Variants in XDH observed in about 807,000 individuals in gnomAD.
XDH encodes xanthine dehydrogenase, also known as xanthine dehydrogenase/oxidase.
A neutral mutation model predicts 156.1 loss-of-function variants in XDH; 138 were observed. The ratio of observed to expected loss-of-function variants is 0.88; its 90% CI spans 0.77 to 1.02. The LOEUF (loss-of-function observed/expected upper bound fraction) is 1.02, where lower values mean the gene tolerates loss of function less well. Among genes scored for constraint, XDH ranks in the 50% least tolerant of loss-of-function variants. The pLI is 0.00. For missense variants in XDH, 1,849 were observed against 1,684.9 expected (o/e 1.10, Z -1.71); for synonymous variants, 669 against 625.7 (o/e 1.07, Z -1.03).
Position 31,367,998 on chromosome 2 carries a change from T to C in XDH, c.2160A>G (p.Leu720=). The change falls in exon 20 of 36, where the codon CTA becomes CTG. Residue 720 remains leucine, a synonymous_variant. Coordinates refer to ENST00000379416, the MANE Select transcript of XDH (RefSeq NM_000379.4). Reference sequence around the variant, plus strand: ...TATCTGCTTCGGAAAACCCCTTCTTTAGGTCCCCTTTCTCGATCTTCAGCT... The same window carrying C: ...TATCTGCTTCGGAAAACCCCTTCTTCAGGTCCCCTTTCTCGATCTTCAGCT... ...GPELKIEKGD[L]KKGFSEADNV... is the part of the protein sequence containing the mutation. 6.2e-7 allele frequency: 1 copy of C among 1,614,162 alleles called. No homozygotes were observed. The highest frequency in any genetic ancestry group is 8.5e-7 in the Non-Finnish European group (1 of 1,179,994).
intron 1 of XDH, among the ~76,000 whole-genome samples, chr2:31,413,693 CT>C (rs1687400275): frequency 6.6e-6 from 1 of 152,172 alleles, no homozygotes; most frequent in African/African-American, 2.4e-5. Flanking sequence ...AATTGCCCTT[CT>C]TTGGGGGACA....
chr2:31,378,204 C>A (rs891579605), intron 13 of XDH, among the ~76,000 whole-genome samples: 1 of 150,884 alleles, frequency 6.6e-6, no homozygotes, highest in African/African-American at 2.4e-5. Context: ...AGCAAGAAAG[C>A]AAGCAAGAAA....
chr2:31,374,779 T>A lies in XDH; in HGVS notation c.1602+601A>T, dbSNP rs377560409. 2.1e-4 allele frequency among the ~76,000 whole-genome samples: 32 copies of A among 152,268 alleles called. No individual in the cohort carries two copies. In the East Asian group the frequency reaches 5.8e-3, roughly 28 times the overall value. Reference sequence around the variant, plus strand: ...TTATTGTCCATGTTCTCCCCGACACTGAGCTGCCCCCTAGCACCTCATGCA... The same window carrying A: ...TTATTGTCCATGTTCTCCCCGACACAGAGCTGCCCCCTAGCACCTCATGCA... On this transcript the variant is annotated intron_variant, in intron 15 of 35. Transcript: ENST00000379416.
At chr2:31,386,315 A>G in intron 9 of XDH, 99 bp downstream of exon 9, 2 of 1,524,978 alleles carry the variant, frequency 1.3e-6, no homozygotes, top group Non-Finnish European at 1.8e-6. Context: ...GATAGGGTGC[A>G]GAGGCAAGTA....
rs760830081 is a variant in XDH, at chr2:31,335,923, G to T, written c.*35C>A. On this transcript the variant is annotated 3_prime_UTR_variant, in exon 36 of 36. Transcript: ENST00000379416. The stretch of plus-strand genomic sequence containing the variant: ...TCCTCCTGCTCCATGGAAGCCCAAA[G>T]GCAGCACAAGAAGACTCTGCTGAGG... The T allele has an allele frequency of 4.3e-6, 7 of 1,612,788 alleles. No homozygotes were observed. The East Asian group carries it at 1.6e-4, about 36-fold the overall frequency.
intron 3 of XDH, 131 bp downstream of exon 3, chr2:31,402,917 C>A: frequency 1.0e-6 from 1 of 969,858 alleles, no homozygotes; most frequent in East Asian, 2.5e-5. Flanking sequence ...TTCCTGTGCA[C>A]AGATTCTCCA....
At chr2:31,343,904 G>A (rs1316602538) in intron 31 of XDH, among the ~76,000 whole-genome samples, 1 of 151,234 alleles carries the variant, frequency 6.6e-6, no homozygotes, top group Non-Finnish European at 1.5e-5. Flanking sequence ...ATATATTTAT[G>A]CATCTATATA....
Position 31,344,699 on chromosome 2 carries a change from G to A in XDH, c.3389C>T (p.Ala1130Val). The A allele has an allele frequency of 1.9e-6, 3 of 1,614,162 alleles. No individual in the cohort carries two copies. Among genetic ancestry groups the A allele is most frequent in the Non-Finnish European group, 1.7e-6 (2 of 1,180,040 alleles). ...CCATACTTACCTATAAAACCCAGTGGCAGACAAGCTCACTGTGTCCATGTA... is the reference window on the plus strand; with the variant it reads ...CCATACTTACCTATAAAACCCAGTGACAGACAAGCTCACTGTGTCCATGTA... ...AAYMDTVSLS[A>V]TGFYRTPNLG... The change falls in exon 31 of 36, where the codon GCC becomes GTC. Residue 1130 changes from alanine to valine, a missense_variant. By Grantham distance (64) the Ala-to-Val change is moderately conservative. Coordinates refer to ENST00000379416, the MANE Select transcript of XDH (RefSeq NM_000379.4).
chr2:31,357,446 C>T (rs957206968), intron 24 of XDH, among the ~76,000 whole-genome samples: 7 of 152,232 alleles, frequency 4.6e-5, no homozygotes, highest in African/African-American at 1.7e-4. Context: ...GAAATAAGAA[C>T]ACACTATGAA....
chr2:31,368,433 T>C, intron 19 of XDH, 108 bp downstream of exon 19: 1 of 1,417,302 alleles, frequency 7.1e-7, no homozygotes, highest in East Asian at 2.3e-5. Flanking sequence ...AAAACCCATC[T>C]AGTCAAATCC....
chr2:31,395,303 G>C (rs561922375), intron 6 of XDH, among the ~76,000 whole-genome samples: 1 of 152,278 alleles, frequency 6.6e-6, no homozygotes, highest in East Asian at 1.9e-4. Flanking sequence ...GATGGCTGGA[G>C]GGGGCTGGGC....
In XDH at chr2:31,350,035, C is replaced by A; in HGVS notation, c.2820G>T (p.Glu940Asp). ...TGCTACCAAATTCTCAGCTTACCTCCTCTGCAGGCATCCCACAGGTCACTG... is the reference window on the plus strand; with the variant it reads ...TGCTACCAAATTCTCAGCTTACCTCATCTGCAGGCATCCCACAGGTCACTG... ...EVAVTCGMPA[E>D]EVRRKNLYKE... Residue 940 changes from glutamate to aspartate, a missense_variant, in exon 25 of 36, where the codon GAG becomes GAT. Glu to Asp is a conservative substitution (Grantham distance 45). Transcript: ENST00000379416. 5.0e-6 allele frequency: 8 copies of A among 1,614,044 alleles called. No individual in the cohort carries two copies. The highest frequency in any genetic ancestry group is 6.8e-6 in the Non-Finnish European group (8 of 1,180,048).
In XDH at chr2:31,388,299, G is replaced by T. The variant is rs373858845; in HGVS notation, c.496-4C>A. 3 of 1,614,028 alleles carry T rather than the reference G, an allele frequency of 1.9e-6. No individual in the cohort carries two copies. Among genetic ancestry groups the T allele is most frequent in the Non-Finnish European group, 2.5e-6 (3 of 1,179,908 alleles). Reference sequence around the variant, plus strand: ...CTCCTCCACAGCATCCACCATCCTAGAGAGATGATGAACATCTGCACAAGG... The same window carrying T: ...CTCCTCCACAGCATCCACCATCCTATAGAGATGATGAACATCTGCACAAGG... On this transcript the variant is annotated splice_region_variant and splice_polypyrimidine_tract_variant and intron_variant, in intron 6 of 35. Transcript: ENST00000379416.
intron 33 of XDH, 90 bp from the exon 34 acceptor site, chr2:31,339,767 G>A: frequency 1.3e-6 from 2 of 1,522,308 alleles, no homozygotes; most frequent in Non-Finnish European, 1.8e-6. Flanking sequence ...AGCGCCAACT[G>A]CAGCGCGGCC....
At chr2:31,349,637 A>C in intron 26 of XDH, 49 bp downstream of exon 26, 1 of 1,613,448 alleles carries the variant, frequency 6.2e-7, no homozygotes, top group Non-Finnish European at 8.5e-7. Flanking sequence ...GAAAGGCTGT[A>C]GGATATGAAA....
At chr2:31,339,363 C>T (rs950315249) in intron 34 of XDH, 126 bp downstream of exon 34, 3 of 1,331,752 alleles carry the variant, frequency 2.3e-6, no homozygotes, top group South Asian at 2.4e-5. Flanking sequence ...AGTGTCAAAC[C>T]ATCTTCCCTC....
At chr2:31,340,740 G>C (rs1265624825) in intron 33 of XDH, among the ~76,000 whole-genome samples, 1 of 152,172 alleles carries the variant, frequency 6.6e-6, no homozygotes, top group South Asian at 2.1e-4. Flanking sequence ...AGAGTGCTGG[G>C]ATTACAGGTG....
chr2:31,362,877 C>A (rs1166590447), intron 24 of XDH, among the ~76,000 whole-genome samples: 1 of 152,212 alleles, frequency 6.6e-6, no homozygotes. Flanking sequence ...TGAGAGTGTT[C>A]AGAGCAGTAT....
intron 6 of XDH, among the ~76,000 whole-genome samples, chr2:31,388,744 C>T (rs148548276): frequency 3.3e-5 from 5 of 152,272 alleles, no homozygotes; most frequent in Non-Finnish European, 5.9e-5. Context: ...TCTGCAGGAC[C>T]CTGCCAAAGG....
Sources: gnomAD v4.1 joint callset for allele counts (sites outside exome capture counted in the v4.1 genomes callset) on GRCh38, gnomAD v4.1.1 for gene constraint, MANE v1.5 for transcripts, NCBI Gene and HGNC (gene_info 2026-07-23, HGNC 2026-07-21) for gene names.